Variants in SLMAP observed in about 807,000 individuals in gnomAD.
The protein encoded by SLMAP is sarcolemmal membrane-associated protein.
Under a neutral mutation model 128.8 loss-of-function variants are expected in SLMAP, and 44 were observed. That is an observed-to-expected ratio of 0.34 (90% CI 0.27 to 0.44). SLMAP has a LOEUF of 0.44. Ranked by LOEUF, SLMAP falls within the 20% of genes least tolerant of loss-of-function variation. The pLI is 1.00. For missense variants in SLMAP, 787 were observed against 985.3 expected, an observed-to-expected ratio of 0.80 and a Z score of 2.69; for synonymous variants, 327 against 348.8, an observed-to-expected ratio of 0.94 and a Z score of 0.70.
intron 17 of SLMAP, chr3:57,898,196 A>AT (rs2096285498): frequency 6.6e-6 from 1 of 152,190 alleles, no homozygotes; most frequent in Non-Finnish European, 1.5e-5. Context: ...TTGATAAGAC[A>AT]TGCTTTTTTT....
chr3:57,847,165 A>G, intron 4 of SLMAP, 32 bp from the exon 5 acceptor site: 2 of 1,487,848 alleles, frequency 1.3e-6, no homozygotes, highest in Non-Finnish European at 1.9e-6. Flanking sequence ...TTGTCCGGAT[A>G]TTAGATAAAA....
At chr3:57,775,577 C>G (rs549406687) in intron 2 of SLMAP, among the ~76,000 whole-genome samples, 30 of 147,296 alleles carry the variant, frequency 2.0e-4, no homozygotes, top group African/African-American at 7.5e-4. Context: ...GTCCCGGCTG[C>G]TTGAGGGAGG....
chr3:57,807,519 G>A lies in SLMAP; in HGVS notation c.199-23864G>A, dbSNP rs578201343. On this transcript the variant is annotated intron_variant, in intron 2 of 24. Transcript: ENST00000671191. The stretch of plus-strand genomic sequence containing the variant: ...ACATGAAGGGATGTTGAATTTTATC[G>A]AAGGCCTTTCTGCATCTATTGAGAT... Among the ~76,000 whole-genome samples the A allele has an allele frequency of 3.3e-5, 5 of 152,158 alleles. No homozygotes were observed. The East Asian group carries it at 5.8e-4, about 18-fold the overall frequency.
intron 23 of SLMAP, 73 bp from the exon 24 acceptor site, chr3:57,925,772 A>C (rs895350874): frequency 9.3e-5 from 94 of 1,007,930 alleles, no homozygotes; most frequent in Non-Finnish European, 1.3e-4. Flanking sequence ...CTCCCACCCT[A>C]CTGGGGTCTG....
intron 2 of SLMAP, among the ~76,000 whole-genome samples, chr3:57,793,642 A>G (rs1248666895): frequency 6.6e-6 from 1 of 152,170 alleles, no homozygotes; most frequent in Non-Finnish European, 1.5e-5. Flanking sequence ...TATTCTGGTT[A>G]AATTTTAGTT....
intron 2 of SLMAP, among the ~76,000 whole-genome samples, chr3:57,787,380 T>C (rs1258443524): frequency 1.1e-4 from 16 of 152,200 alleles, no homozygotes; most frequent in Admixed American, 9.8e-4. Flanking sequence ...TACAATCATA[T>C]TTTCAAGCTA....
At chr3:57,782,097 A>G (rs2083211417) in intron 2 of SLMAP, among the ~76,000 whole-genome samples, 1 of 152,110 alleles carries the variant, frequency 6.6e-6, no homozygotes, top group South Asian at 2.1e-4. Context: ...TTTGGGACTT[A>G]CATTTGATTA....
At chr3:57,878,199 A>G (rs1471575317) in intron 14 of SLMAP, among the ~76,000 whole-genome samples, 3 of 152,128 alleles carry the variant, frequency 2.0e-5, no homozygotes, top group Non-Finnish European at 4.4e-5. Flanking sequence ...AAAAGGCACA[A>G]CATCTTCTAT....
At chr3:57,853,427 G>A (rs991236053) in intron 6 of SLMAP, among the ~76,000 whole-genome samples, 1 of 152,154 alleles carries the variant, frequency 6.6e-6, no homozygotes, top group African/African-American at 2.4e-5. Context: ...TGTTTGAAGT[G>A]TATACTTCTC....
intron 2 of SLMAP, among the ~76,000 whole-genome samples, chr3:57,783,507 A>G (rs2083465839): frequency 6.6e-6 from 1 of 152,224 alleles, no homozygotes; most frequent in Non-Finnish European, 1.5e-5. Context: ...AAAGAGCTAC[A>G]TAGCTATTTG....
Position 57,854,038 on chromosome 3 carries a change from TA to T in SLMAP, c.520-3694del, listed in dbSNP as rs1157485022. Among the ~76,000 whole-genome samples, 5 of 100,622 alleles carry T rather than the reference TA, an allele frequency of 5.0e-5. No individual in the cohort carries two copies. In the East Asian group the frequency reaches 1.8e-3, roughly 37 times the overall value. 66.0% of individuals were successfully genotyped at this position (100,622 alleles called of 152,430 possible). ...TATATTATATATAATATATAATGTG[TA>T]TATATATACACATAACATATATAAC... On this transcript the variant is annotated intron_variant, in intron 6 of 24. Transcript: ENST00000671191.
rs1174775427 is a variant in SLMAP, at chr3:57,920,311, CTTG to C, written c.2311-2573_2311-2571del. On this transcript the variant is annotated intron_variant, in intron 22 of 24. Transcript: ENST00000671191. ...TTCATTCTCTGGCATACTATCCAGG[CTTG>C]TTGTGGGAATGTTGTTAGGTAACAG... Among the ~76,000 whole-genome samples the C allele has an allele frequency of 6.6e-5, 10 of 152,296 alleles. No homozygotes were observed. The East Asian group carries it at 1.9e-3, about 29-fold the overall frequency.
chr3:57,766,061 C>T (rs531098347), intron 2 of SLMAP, among the ~76,000 whole-genome samples: 6 of 148,110 alleles, frequency 4.1e-5, no homozygotes, highest in South Asian at 2.1e-4. Flanking sequence ...TACAGTGGCG[C>T]GATCTCGGCT....
At chr3:57,880,695 CAGTG>C (rs2095714004) in intron 14 of SLMAP, among the ~76,000 whole-genome samples, 2 of 151,558 alleles carry the variant, frequency 1.3e-5, no homozygotes, top group African/African-American at 4.8e-5. Context: ...CTGGCCAACA[CAGTG>C]AGACCATGTC....
At chr3:57,833,034 A>G (rs1323964861) in intron 3 of SLMAP, among the ~76,000 whole-genome samples, 1 of 152,150 alleles carries the variant, frequency 6.6e-6, no homozygotes, top group African/African-American at 2.4e-5. Context: ...ATTAAATGGA[A>G]CCCCAACTGT....
intron 2 of SLMAP, among the ~76,000 whole-genome samples, chr3:57,791,635 G>A (rs1317439567): frequency 1.3e-5 from 2 of 151,986 alleles, no homozygotes; most frequent in African/African-American, 2.4e-5. Flanking sequence ...AGTTCATTTC[G>A]ATAAACTATC....
rs535215328 is a variant in SLMAP, at chr3:57,880,112, C to T, written c.1300+8414C>T. Among the ~76,000 whole-genome samples the T allele has an allele frequency of 2.3e-4, 35 of 152,128 alleles. No homozygotes were observed. The East Asian group carries it at 6.8e-3, about 29-fold the overall frequency. ...TGGGCTGCAGTCACATAGATATTTGCTTTATGAAAATATATTAACCTATAC... is the reference window on the plus strand; with the variant it reads ...TGGGCTGCAGTCACATAGATATTTGTTTTATGAAAATATATTAACCTATAC... On this transcript the variant is annotated intron_variant, in intron 14 of 24. Coordinates refer to ENST00000671191, the MANE Select transcript of SLMAP (RefSeq NM_001377540.1).
chr3:57,913,318 T>C, intron 21 of SLMAP, 43 bp downstream of exon 21: 1 of 821,684 alleles, frequency 1.2e-6, no homozygotes, highest in Non-Finnish European at 1.9e-6. Flanking sequence ...AATATTTCTT[T>C]ATCTTAAATT....
At chr3:57,844,875 C>T (rs1020808425) in intron 4 of SLMAP, among the ~76,000 whole-genome samples, 2 of 151,932 alleles carry the variant, frequency 1.3e-5, no homozygotes, top group African/African-American at 4.8e-5. Flanking sequence ...CCACTACACC[C>T]GGCTGGTTTT....
Sources: allele counts gnomAD v4.1 joint callset (sites outside exome capture counted in the v4.1 genomes callset), GRCh38; gene constraint gnomAD v4.1.1; transcripts MANE v1.5; gene names NCBI Gene and HGNC (gene_info 2026-07-23, HGNC 2026-07-21).